ANK2: variants seen among roughly 807,000 people sequenced by gnomAD.
ANK2 encodes the protein ankyrin 2.
Under a neutral mutation model 360.5 loss-of-function variants are expected in ANK2, and 83 were observed. The ratio of observed to expected loss-of-function variants is 0.23; its 90% CI spans 0.19 to 0.28. ANK2 has a LOEUF of 0.28. Ranked by LOEUF, ANK2 falls within the 10% of genes least tolerant of loss-of-function variation. The pLI is 1.00. For synonymous variants in ANK2, 1,740 were observed against 1,759.5 expected (o/e 0.99, Z 0.28); for missense variants, 4,201 against 4,795.7 (o/e 0.88, Z 3.66).
intron 29 of ANK2, 79 bp downstream of exon 29, chr4:113,333,287 G>GGTGTGTGTTT: frequency 3.4e-6 from 5 of 1,489,126 alleles, no homozygotes; most frequent in Non-Finnish European, 3.7e-6. Flanking sequence ...ATGACCTAGG[G>GGTGTGTGTTT]GTGTGTGTAT....
At chr4:113,186,586 C>T (rs1258656883) in intron 2 of ANK2, among the ~76,000 whole-genome samples, 1 of 48,660 alleles carries the variant, frequency 2.1e-5, no homozygotes, top group African/African-American at 1.3e-4. Flanking sequence ...CTCTCTCTCT[C>T]TTCTCTCTCT....
At chr4:112,798,060 C>A in the ANK2 span, 1 of 162,890 alleles carries the variant, frequency 6.1e-6, no homozygotes. Context: ...GGACAGTCAA[C>A]CAAGGAAACA....
chr4:113,199,692 T>G (rs1393675082), intron 4 of ANK2, among the ~76,000 whole-genome samples: 1 of 152,180 alleles, frequency 6.6e-6, no homozygotes, highest in Non-Finnish European at 1.5e-5. Flanking sequence ...AATGTTGTTT[T>G]GCCCAAAGCT....
At chr4:113,012,941 ATTC>A (rs2055269278) in intron 2 of ANK2, among the ~76,000 whole-genome samples, 1 of 152,196 alleles carries the variant, frequency 6.6e-6, no homozygotes, top group Admixed American at 6.5e-5. Flanking sequence ...TGTCAACATT[ATTC>A]TTCTTAGAAT....
chr4:113,132,663 C>G (rs1052390884), intron 1 of ANK2, among the ~76,000 whole-genome samples: 1 of 152,016 alleles, frequency 6.6e-6, no homozygotes, highest in Admixed American at 6.6e-5. Flanking sequence ...GAGAACTGAT[C>G]TAGAGTAGAT....
At chr4:112,748,992 C>T in the ANK2 span, among the ~76,000 whole-genome samples, 49 of 152,174 alleles carry the variant, frequency 3.2e-4, no homozygotes, top group Non-Finnish European at 6.2e-4. Flanking sequence ...CTCTGCCTTC[C>T]GGGTTCAAGC....
At chr4:112,788,910 T>C in the ANK2 span, 1 of 651,384 alleles carries the variant, frequency 1.5e-6, no homozygotes, top group South Asian at 1.8e-5. Flanking sequence ...GTTTTTTTAA[T>C]TATTAATATT....
chr4:112,982,658 G>A (rs902488969), intron 2 of ANK2, among the ~76,000 whole-genome samples: 20 of 152,184 alleles, frequency 1.3e-4, no homozygotes, highest in African/African-American at 4.1e-4. Flanking sequence ...CAGAGAGGAT[G>A]GAGGGCACTG....
rs1201409120 is a variant in ANK2 at position 113,383,558 on chromosome 4, A to G, written c.*2087A>G. ...TTATCAAAAACTTGAATACTGTGAGAAGAAGTGAATTTTCAGTTGACGAAT... is the reference window on the plus strand; with the variant it reads ...TTATCAAAAACTTGAATACTGTGAGGAGAAGTGAATTTTCAGTTGACGAAT... On this transcript the variant is annotated 3_prime_UTR_variant, in exon 46 of 46. Coordinates refer to ENST00000357077, the MANE Select transcript of ANK2 (RefSeq NM_001148.6). 1 of 152,596 alleles carries G rather than the reference A, an allele frequency of 6.6e-6. No homozygotes were observed. Among genetic ancestry groups the G allele is most frequent in the Non-Finnish European group, 1.5e-5 (1 of 68,022 alleles). The allele number at this position is 152,596 out of a possible 1,614,324, so 9.5% of individuals were successfully genotyped here. A position where few individuals can be genotyped will look rare whatever the true frequency, so the allele number is the denominator to read the frequency against.
At chr4:112,783,804 C>T in the ANK2 span, among the ~76,000 whole-genome samples, 1 of 151,950 alleles carries the variant, frequency 6.6e-6, no homozygotes, top group African/African-American at 2.4e-5. Context: ...CACCCGCCAC[C>T]ACGTCCAGCT....
At chr4:112,853,224 A>G (rs918638842) in intron 1 of ANK2, among the ~76,000 whole-genome samples, 2 of 152,054 alleles carry the variant, frequency 1.3e-5, no homozygotes, top group Non-Finnish European at 2.9e-5. Flanking sequence ...ATGCACTACC[A>G]CACCTGGCTA....
chr4:113,064,633 A>G (rs2074928801), intron 1 of ANK2, among the ~76,000 whole-genome samples: 1 of 152,194 alleles, frequency 6.6e-6, no homozygotes, highest in African/African-American at 2.4e-5. Flanking sequence ...AGTCCAAACG[A>G]TTGTGCAAAG....
chr4:112,972,173 AATT>A (rs1297800135), intron 2 of ANK2, among the ~76,000 whole-genome samples: 1 of 152,146 alleles, frequency 6.6e-6, no homozygotes, highest in Admixed American at 6.5e-5. Flanking sequence ...TGATCACTGT[AATT>A]ATTATTATTT....
At chr4:112,855,986 T>C (rs1298793654) in intron 1 of ANK2, among the ~76,000 whole-genome samples, 1 of 152,216 alleles carries the variant, frequency 6.6e-6, no homozygotes, top group Admixed American at 6.5e-5. Flanking sequence ...TAGATGTGGG[T>C]GCCCGCCCAG....
chr4:113,205,807 A>G (rs1163728806), intron 4 of ANK2, among the ~76,000 whole-genome samples: 2 of 152,212 alleles, frequency 1.3e-5, no homozygotes, highest in South Asian at 2.1e-4. Flanking sequence ...GAGGAAGGAA[A>G]CACACACAGT....
chr4:113,233,122 T>G (rs1416019198), intron 5 of ANK2, among the ~76,000 whole-genome samples: 3 of 27,908 alleles, frequency 1.1e-4, no homozygotes, highest in Non-Finnish European at 1.7e-4. Flanking sequence ...TTTTTTTTTT[T>G]TTTTTTTTTT....
intron 1 of ANK2, among the ~76,000 whole-genome samples, chr4:113,105,514 A>C (rs2154362254): frequency 6.6e-6 from 1 of 152,320 alleles, no homozygotes; most frequent in Admixed American, 6.5e-5. Flanking sequence ...TATATGGAAT[A>C]AAATTAACCA....
intron 2 of ANK2, among the ~76,000 whole-genome samples, chr4:113,014,013 A>G (rs1370547946): frequency 3.3e-5 from 5 of 152,176 alleles, no homozygotes; most frequent in Non-Finnish European, 7.3e-5. Context: ...AATTTAAGGA[A>G]TTAAAATAAC....
chr4:113,348,780 AT>A (rs2095172073), intron 36 of ANK2, among the ~76,000 whole-genome samples: 1 of 152,144 alleles, frequency 6.6e-6, no homozygotes, highest in Non-Finnish European at 1.5e-5. Flanking sequence ...CACTCTGGCA[AT>A]TAATGGAATG....
Sources: allele counts gnomAD v4.1 joint callset (sites outside exome capture counted in the v4.1 genomes callset), GRCh38; gene constraint gnomAD v4.1.1; transcripts MANE v1.5; gene names NCBI Gene and HGNC (gene_info 2026-07-23, HGNC 2026-07-21).